ZSCAN20: variants seen among roughly 807,000 people sequenced by gnomAD.
ZSCAN20 encodes the protein zinc finger and SCAN domain-containing protein 20.
ZSCAN20 carries 39 observed loss-of-function variants against 97.1 expected under a neutral mutation model. The ratio of observed to expected loss-of-function variants is 0.40; its 90% CI spans 0.31 to 0.52. ZSCAN20 has a LOEUF of 0.52. ZSCAN20 is among the 20% of genes least tolerant of loss of function. The pLI is 0.49. For missense variants in ZSCAN20, 1,115 were observed against 1,290.4 expected (o/e 0.86, Z 2.08); for synonymous variants, 456 against 467.3 (o/e 0.98, Z 0.31).
Position 33,495,063 on chromosome 1 carries a change from G to T in ZSCAN20, c.2719G>T (p.Glu907Ter), listed in dbSNP as rs34415949. 3 of 1,612,342 alleles carry T rather than the reference G, an allele frequency of 1.9e-6. No homozygotes were observed. The highest frequency in any genetic ancestry group is 2.5e-6 in the Non-Finnish European group (3 of 1,178,734). Reference protein sequence around the residue: ...HTGEKPYECAECGKSFSKSST... With the variant: ...HTGEKPYECA ...GGGAGAGAAACCATATGAATGTGCC[G>T]AATGTGGGAAAAGCTTCAGTAAGAG... Residue 907 changes from glutamate (E) to a stop codon, truncating the protein, a stop_gained, in exon 8 of 8, where the codon GAA becomes TAA. Coordinates refer to ENST00000684572, the MANE Select transcript of ZSCAN20 (RefSeq NM_001377376.1). LOFTEE classifies it high-confidence loss of function.
intron 5 of ZSCAN20, 55 bp from the exon 6 acceptor site, chr1:33,490,970 C>CA (rs1264578643): frequency 6.7e-7 from 1 of 1,494,714 alleles, no homozygotes. Context: ...AGATTTTGGA[C>CA]AAACATGCCG....
intron 1 of ZSCAN20, among the ~76,000 whole-genome samples, chr1:33,474,512 A>AG (rs1486273695): frequency 6.6e-6 from 1 of 152,170 alleles, no homozygotes; most frequent in East Asian, 1.9e-4. Flanking sequence ...GTGTTTGTAA[A>AG]GACATCTTGA....
rs1202791446 is a variant in ZSCAN20, at chr1:33,497,097, G to C, written c.*1621G>C. ...GGGCTGGGGAAGTACCTATCAGATA[G>C]TGGATGTGAAGCAGCCTTGAAGAAT... On this transcript the variant is annotated 3_prime_UTR_variant, in exon 8 of 8. Transcript: ENST00000684572. 6.6e-5 allele frequency among the ~76,000 whole-genome samples: 10 copies of C among 152,206 alleles called. No individual in the cohort carries two copies. Among genetic ancestry groups the C allele is most frequent in the African/African-American group, 9.7e-5 (4 of 41,444 alleles).
Position 33,493,201 on chromosome 1 carries a change from G to A in ZSCAN20, c.1459G>A (p.Gly487Ser). 1.2e-6 allele frequency: 2 copies of A among 1,614,008 alleles called. No homozygotes were observed. Among genetic ancestry groups the A allele is most frequent in the Middle Eastern group, 1.6e-4 (1 of 6,062 alleles). ...FQSRIAGVHW[G>S]YEETKAFLAI... Reference sequence around the variant, plus strand: ...ACTCCTGACAGCAGGTGTGCACTGGGGCTATGAGGAGACCAAGGCCTTCCT... The same window carrying A: ...ACTCCTGACAGCAGGTGTGCACTGGAGCTATGAGGAGACCAAGGCCTTCCT... The change falls in exon 7 of 8, where the codon GGC (glycine) becomes AGC (serine). Residue 487 changes from glycine to serine, a missense_variant. Physicochemically the swap from Gly to Ser is moderately conservative, Grantham distance 56 (BLOSUM62 0). Coordinates refer to ENST00000684572, the MANE Select transcript of ZSCAN20 (RefSeq NM_001377376.1). This position sits in a 1 kb window ranked among gnomAD's most constrained non-coding sequence, Gnocchi z 4.3.
chr1:33,492,736 G>A (rs12049579), intron 6 of ZSCAN20: 113,200 of 146,846 alleles, frequency 0.77, 43,800 homozygotes, highest in African/African-American at 0.82. Context: ...GGATTGCATC[G>A]CTGCACTCCA....
Position 33,496,764 on chromosome 1 carries a change from G to A in ZSCAN20, c.*1288G>A, listed in dbSNP as rs970912448. ...GGTGTATATGGTCATCTACTGAGAG[G>A]GCCTTGACCACTGTTCTGTGTACCA... On this transcript the variant is annotated 3_prime_UTR_variant, in exon 8 of 8. Coordinates refer to ENST00000684572, the MANE Select transcript of ZSCAN20 (RefSeq NM_001377376.1). Among the ~76,000 whole-genome samples, 1 of 151,984 alleles carries A rather than the reference G, an allele frequency of 6.6e-6. No individual in the cohort carries two copies. The highest frequency in any genetic ancestry group is 6.5e-5 in the Admixed American group (1 of 15,272).
In ZSCAN20 at chr1:33,477,636, C is replaced by T. The variant is rs539783548; in HGVS notation, c.-110-1543C>T. On this transcript the variant is annotated intron_variant, in intron 1 of 7. Transcript: ENST00000684572. ...AGAAAGGAATTCCTTTTGGCATGAGCGCGAAGGTCATTTATTTTTTATCTA... is the reference window on the plus strand; with the variant it reads ...AGAAAGGAATTCCTTTTGGCATGAGTGCGAAGGTCATTTATTTTTTATCTA... 1.3e-4 allele frequency among the ~76,000 whole-genome samples: 20 copies of T among 149,088 alleles called. No homozygotes were observed. In the South Asian group the frequency reaches 1.8e-3, roughly 13 times the overall value.
At chr1:33,481,141 C>T (rs150914227) in intron 2 of ZSCAN20, among the ~76,000 whole-genome samples, 1 of 152,266 alleles carries the variant, frequency 6.6e-6, no homozygotes, top group East Asian at 1.9e-4. Flanking sequence ...TATAAAGTTA[C>T]AGAACTAAGT....
At chr1:33,487,257 A>T (rs1652405772) in intron 2 of ZSCAN20, among the ~76,000 whole-genome samples, 1 of 152,146 alleles carries the variant, frequency 6.6e-6, no homozygotes, top group Non-Finnish European at 1.5e-5. Context: ...AAACCATGTG[A>T]GTCTATTATC....
rs1027882042 is a variant in ZSCAN20 at position 33,493,009 on chromosome 1, A to G, written c.1445-178A>G. Reference sequence around the variant, plus strand: ...TCTCTTAGAAGAGGGTGAGGGTGGGAAGCTCTGGCTGGCTGTCCTAGCATG... The same window carrying G: ...TCTCTTAGAAGAGGGTGAGGGTGGGGAGCTCTGGCTGGCTGTCCTAGCATG... On this transcript the variant is annotated intron_variant, in intron 6 of 7. Transcript: ENST00000684572. The surrounding 1 kb of genome is among the most constrained non-coding windows in gnomAD (Gnocchi z 4.3). Among the ~76,000 whole-genome samples the G allele has an allele frequency of 6.6e-6, 1 of 152,154 alleles. No homozygotes were observed. The highest frequency in any genetic ancestry group is 6.5e-5 in the Admixed American group (1 of 15,274).
chr1:33,484,045 C>A (rs1652257945), intron 2 of ZSCAN20, among the ~76,000 whole-genome samples: 1 of 152,132 alleles, frequency 6.6e-6, no homozygotes, highest in African/African-American at 2.4e-5. Flanking sequence ...TGCATATTTG[C>A]ATATTTGTAC....
rs925877452 is a variant in ZSCAN20 at position 33,500,734 on chromosome 1, G to T, written c.*5258G>T. 1.3e-5 allele frequency among the ~76,000 whole-genome samples: 2 copies of T among 151,434 alleles called. No individual in the cohort carries two copies. Among genetic ancestry groups the T allele is most frequent in the Non-Finnish European group, 2.9e-5 (2 of 67,902 alleles). On this transcript the variant is annotated 3_prime_UTR_variant, in exon 8 of 8. Transcript: ENST00000684572. ...AAAATTGTGCCCCCTAGAGGGCGAGGGCCACGGGAAGGGGGATCAGGAAAA... is the reference window on the plus strand; with the variant it reads ...AAAATTGTGCCCCCTAGAGGGCGAGTGCCACGGGAAGGGGGATCAGGAAAA...
chr1:33,480,152 T>C (rs2148450625), intron 2 of ZSCAN20, among the ~76,000 whole-genome samples: 1 of 152,336 alleles, frequency 6.6e-6, no homozygotes, highest in East Asian at 1.9e-4. Context: ...TCTGAGTGCT[T>C]ATAGCAGTAA....
rs187017447 is a variant in ZSCAN20, at chr1:33,493,612, A to G, written c.1870A>G (p.Met624Val). ...AACCTTGTGTCCTAAAGCCCCAGAC[A>G]TGGGTAAGCCTGGAGTAATTGGATG... is the stretch of plus-strand genomic sequence containing the variant. ...PSTLCPKAPD[M>V]GFEMRHEDED... Residue 624 changes from methionine to valine, a missense_variant, in exon 7 of 8, where the codon ATG becomes GTG. Transcript: ENST00000684572. This position sits in a 1 kb window ranked among gnomAD's most constrained non-coding sequence, Gnocchi z 4.3. 243 of 1,570,280 alleles carry G rather than the reference A, an allele frequency of 1.5e-4. No individual in the cohort carries two copies. The East Asian group carries it at 4.9e-3, about 32-fold the overall frequency.
rs763925463 is a variant in ZSCAN20, at chr1:33,488,516, G to A, written c.469G>A (p.Ala157Thr). The A allele has an allele frequency of 1.2e-6, 2 of 1,614,096 alleles. No homozygotes were observed. Among genetic ancestry groups the A allele is most frequent in the Non-Finnish European group, 1.7e-6 (2 of 1,180,044 alleles). Residue 157 changes from alanine to threonine, a missense_variant, in exon 3 of 8, where the codon GCT becomes ACT. Physicochemically the swap from Ala to Thr is moderately conservative, Grantham distance 58. Around this residue, in one of 3 missense-constraint regions of ZSCAN20, gnomAD observed 508 missense variants for 611.2 expected, o/e 0.83. Transcript: ENST00000684572. Reference sequence around the variant, plus strand: ...CAGGCCCTTAAAGACAGGGGAAGAAGCTCAGAGCTTCCAGCTGCAGCCAGT... The same window carrying A: ...CAGGCCCTTAAAGACAGGGGAAGAAACTCAGAGCTTCCAGCTGCAGCCAGT... ...ETRPLKTGEE[A>T]QSFQLQPVDP...
intron 2 of ZSCAN20, among the ~76,000 whole-genome samples, chr1:33,482,237 T>C (rs1652182518): frequency 6.6e-6 from 1 of 152,146 alleles, no homozygotes; most frequent in African/African-American, 2.4e-5. Flanking sequence ...TATTCTTCCT[T>C]CCCCCCAACC....
At chr1:33,486,683 G>A (rs1652380013) in intron 2 of ZSCAN20, among the ~76,000 whole-genome samples, 1 of 152,192 alleles carries the variant, frequency 6.6e-6, no homozygotes, top group Admixed American at 6.5e-5. Context: ...ATAGTTGGAG[G>A]CACTGGGGTT....
In ZSCAN20 at chr1:33,498,897, G is replaced by A. The variant is rs2148486871; in HGVS notation, c.*3421G>A. On this transcript the variant is annotated 3_prime_UTR_variant, in exon 8 of 8. Coordinates refer to ENST00000684572, the MANE Select transcript of ZSCAN20 (RefSeq NM_001377376.1). ...CAGAGGCAGCAGACCCAAAGGTAGG[G>A]GCAGGGAAAGGAGGGGCCAAGACTT... Among the ~76,000 whole-genome samples the A allele has an allele frequency of 6.6e-6, 1 of 152,304 alleles. No individual in the cohort carries two copies. The highest frequency in any genetic ancestry group is 6.5e-5 in the Admixed American group (1 of 15,312).
rs1652490100 is a variant in ZSCAN20, at chr1:33,489,115, C to T, written c.605C>T (p.Ala202Val). The T allele has an allele frequency of 6.2e-7, 1 of 1,610,356 alleles. No homozygotes were observed. The highest frequency in any genetic ancestry group is 2.2e-5 in the East Asian group (1 of 44,822). ...TTCAGTGACTTTTTCTTTTCCTCAG[C>T]TGTCCTCACTCCCCGAGTCCCTACT... ...EVAPQPLKES[A>V]VLTPRVPTLP... The change falls in exon 4 of 8, where the codon GCT (alanine) becomes GTT (valine). Residue 202 changes from alanine (A) to valine (V), a missense_variant and splice_region_variant. Ala to Val is a moderately conservative substitution (Grantham distance 64). This residue lies in a region of ZSCAN20 where 508 missense variants were observed against 611.2 expected (regional missense o/e 0.83). Coordinates refer to ENST00000684572, the MANE Select transcript of ZSCAN20 (RefSeq NM_001377376.1).
Sources: allele counts gnomAD v4.1 joint callset (sites outside exome capture counted in the v4.1 genomes callset), GRCh38; gene constraint gnomAD v4.1.1; regional missense constraint gnomAD v4.1.1; non-coding constraint Gnocchi (gnomAD v3.1); transcripts MANE v1.5; gene names NCBI Gene and HGNC (gene_info 2026-07-23, HGNC 2026-07-21).